The following PLD1 variants were observed in gnomAD, a reference collection of about 807,000 sequenced individuals.
PLD1 encodes the protein choline phosphatase 1.
Under a neutral mutation model 137.1 loss-of-function variants are expected in PLD1, and 112 were observed. The ratio of observed to expected loss-of-function variants is 0.82; its 90% CI spans 0.70 to 0.96. PLD1 has a LOEUF of 0.96. PLD1 is among the 40% of genes least tolerant of loss of function. The pLI, the probability that PLD1 is intolerant of heterozygous loss-of-function variation, is 0.00. For synonymous variants in PLD1, 431 were observed against 454.7 expected (o/e 0.95, Z 0.66); for missense variants, 1,321 against 1,342.0 (o/e 0.98, Z 0.24).
At chr3:171,629,562 C>A (rs1734470918) in intron 23 of PLD1, among the ~76,000 whole-genome samples, 1 of 152,124 alleles carries the variant, frequency 6.6e-6, no homozygotes, top group Non-Finnish European at 1.5e-5. Context: ...CAAGTCAATC[C>A]TAAGCCAAAA....
Position 171,737,615 on chromosome 3 carries a change from C to T in PLD1, c.205G>A (p.Glu69Lys), listed in dbSNP as rs764968533. 5.0e-6 allele frequency: 8 copies of T among 1,599,364 alleles called. No individual in the cohort carries two copies. The highest frequency in any genetic ancestry group is 3.4e-5 in the Admixed American group (2 of 59,586). Residue 69 changes from glutamate (E) to lysine (K), a missense_variant, in exon 3 of 27, where the codon GAG becomes AAG. Glu to Lys is a moderately conservative substitution (Grantham distance 56, BLOSUM62 1). Transcript: ENST00000351298. ...SAIYNTQGFK[E>K]PNIQTYLSGC... Reference sequence around the variant, plus strand: ...GAGAGATACGTCTGTATATTAGGCTCCTTAAATCCTTGAGTGTTATAAATA... The same window carrying T: ...GAGAGATACGTCTGTATATTAGGCTTCTTAAATCCTTGAGTGTTATAAATA...
intron 3 of PLD1, 94 bp downstream of exon 3, chr3:171,737,438 A>G (rs1308430251): frequency 1.9e-6 from 2 of 1,080,626 alleles, no homozygotes; most frequent in East Asian, 2.5e-5. Context: ...ACCTACAAAC[A>G]TGATCATAGC....
rs559054379 is a variant in PLD1, at chr3:171,688,671, C to T, written c.1539+5G>A. 1 of 1,603,744 alleles carries T rather than the reference C, an allele frequency of 6.2e-7. No individual in the cohort carries two copies. The highest frequency in any genetic ancestry group is 1.7e-5 in the Admixed American group (1 of 60,020). On this transcript the variant is annotated splice_donor_5th_base_variant and intron_variant, in intron 14 of 26. Coordinates refer to ENST00000351298, the MANE Select transcript of PLD1 (RefSeq NM_002662.5). ...TACATTTCCATAAAGGTTAAATATA[C>T]TTACTGGGAGGGAACCCAGAGACGG...
chr3:171,739,581 A>G (rs1719625376), intron 1 of PLD1, among the ~76,000 whole-genome samples: 1 of 152,204 alleles, frequency 6.6e-6, no homozygotes, highest in Non-Finnish European at 1.5e-5. Context: ...AATAGTTAAT[A>G]GTTACTAATG....
intron 19 of PLD1, among the ~76,000 whole-genome samples, chr3:171,672,867 C>G (rs867981428): frequency 2.0e-5 from 3 of 152,218 alleles, no homozygotes; most frequent in Admixed American, 6.5e-5. Context: ...TTGACCTCAC[C>G]AGGCAGCAGG....
intron 21 of PLD1, among the ~76,000 whole-genome samples, chr3:171,652,738 C>T (rs879847657): frequency 7.4e-5 from 11 of 149,206 alleles, no homozygotes; most frequent in Non-Finnish European, 1.6e-4. Context: ...ATGGCTGGGA[C>T]CACAGGCATG....
intron 25 of PLD1, among the ~76,000 whole-genome samples, chr3:171,606,101 G>A (rs1007750270): frequency 1.3e-5 from 2 of 152,204 alleles, no homozygotes; most frequent in Non-Finnish European, 2.9e-5. Context: ...GAGGTATGAT[G>A]GTGGCTTGGG....
chr3:171,801,915 T>C (rs1723664783), intron 1 of PLD1, among the ~76,000 whole-genome samples: 1 of 152,238 alleles, frequency 6.6e-6, no homozygotes, highest in South Asian at 2.1e-4. Context: ...ACATGACAGA[T>C]GCAACTGAAA....
chr3:171,798,908 C>T (rs1296625242), intron 1 of PLD1, among the ~76,000 whole-genome samples: 1 of 152,116 alleles, frequency 6.6e-6, no homozygotes, highest in African/African-American at 2.4e-5. Flanking sequence ...AGTCAGGCAT[C>T]GGAGCACAAA....
Position 171,710,399 on chromosome 3 carries a change from A to G in PLD1, c.912-690T>C, listed in dbSNP as rs1210055444. On this transcript the variant is annotated intron_variant, in intron 9 of 26. Transcript: ENST00000351298. ...CTTGTGGAAGGCAATTTTTCCACGG[A>G]TGATGGGGAGTAGTTTCGAGATGAA... Among the ~76,000 whole-genome samples the G allele has an allele frequency of 2.6e-5, 4 of 152,196 alleles. No homozygotes were observed. In the East Asian group the frequency reaches 7.7e-4, roughly 29 times the overall value.
chr3:171,629,757 TG>T (rs1438820702), intron 23 of PLD1, among the ~76,000 whole-genome samples: 7 of 152,188 alleles, frequency 4.6e-5, no homozygotes, highest in South Asian at 2.1e-4. Context: ...AAACAAGCAA[TG>T]GGGAAAGGAT....
rs772160243 is a variant in PLD1, at chr3:171,611,199, T to C, written c.2882+1080A>G. The stretch of plus-strand genomic sequence containing the variant: ...CACCAAAATTGCATTATGGCAAATA[T>C]AGTTCTAGAATCATAAAACTGTGGA... On this transcript the variant is annotated intron_variant, in intron 25 of 26. Coordinates refer to ENST00000351298, the MANE Select transcript of PLD1 (RefSeq NM_002662.5). Among the ~76,000 whole-genome samples, 12 of 152,312 alleles carry C rather than the reference T, an allele frequency of 7.9e-5. No individual in the cohort carries two copies. The South Asian group carries it at 1.9e-3, about 24-fold the overall frequency.
intron 11 of PLD1, among the ~76,000 whole-genome samples, chr3:171,706,046 T>C (rs1716654452): frequency 6.6e-6 from 1 of 152,190 alleles, no homozygotes; most frequent in Non-Finnish European, 1.5e-5. Context: ...AGTCAGTGGC[T>C]TTAAAACTTT....
chr3:171,742,660 T>C (rs943421957), intron 1 of PLD1, among the ~76,000 whole-genome samples: 3 of 152,142 alleles, frequency 2.0e-5, no homozygotes, highest in Admixed American at 6.5e-5. Context: ...TTCATGATGA[T>C]GAAATAAATT....
intron 9 of PLD1, among the ~76,000 whole-genome samples, 155 bp from the exon 10 acceptor site, chr3:171,709,864 A>C (rs970661960): frequency 2.4e-4 from 36 of 152,216 alleles, no homozygotes; most frequent in Non-Finnish European, 2.5e-4. Flanking sequence ...ATTTCTAAAA[A>C]TATATTCAAT....
At chr3:171,665,401 AAAG>A (rs1712005894) in intron 19 of PLD1, among the ~76,000 whole-genome samples, 1 of 152,226 alleles carries the variant, frequency 6.6e-6, no homozygotes, top group Admixed American at 6.5e-5. Flanking sequence ...CTTCAAGCCA[AAAG>A]AAGACCATTT....
intron 16 of PLD1, among the ~76,000 whole-genome samples, chr3:171,681,962 T>C (rs6793193): frequency 0.52 from 78,752 of 151,910 alleles, 21,723 homozygotes; most frequent in African/African-American, 0.72. Context: ...GATCAGCACA[T>C]AGTTGCTGAA....
intron 1 of PLD1, among the ~76,000 whole-genome samples, chr3:171,756,628 T>A (rs1453131660): frequency 1.3e-5 from 2 of 152,226 alleles, no homozygotes; most frequent in African/African-American, 4.8e-5. Flanking sequence ...AGATTATTGA[T>A]TCACCATTAA....
intron 21 of PLD1, chr3:171,653,999 C>T: frequency 3.6e-6 from 1 of 280,634 alleles, no homozygotes; most frequent in Non-Finnish European, 7.0e-6. Flanking sequence ...TTTCCCATAC[C>T]ACCCACTTAC....
Sources: gnomAD v4.1 joint callset for allele counts (sites outside exome capture counted in the v4.1 genomes callset) on GRCh38, gnomAD v4.1.1 for gene constraint, MANE v1.5 for transcripts, NCBI Gene and HGNC (gene_info 2026-07-23, HGNC 2026-07-21) for gene names.